Variants in AFAP1L2 observed in about 807,000 individuals in gnomAD.
AFAP1L2 encodes actin filament-associated protein 1-like 2.
AFAP1L2 carries 46 observed loss-of-function variants against 99.3 expected under a neutral mutation model. The ratio of observed to expected loss-of-function variants is 0.46; its 90% CI spans 0.37 to 0.59. AFAP1L2 has a LOEUF of 0.59. Ranked by LOEUF, AFAP1L2 falls within the 20% of genes least tolerant of loss-of-function variation. The pLI is 0.00. For missense variants in AFAP1L2, 959 were observed against 1,034.9 expected (o/e 0.93, Z 1.01); for synonymous variants, 397 against 419.1 (o/e 0.95, Z 0.64).
intron 1 of AFAP1L2, among the ~76,000 whole-genome samples, chr10:114,362,272 A>G (rs755986854): frequency 7.2e-5 from 11 of 152,178 alleles, no homozygotes; most frequent in Non-Finnish European, 1.3e-4. Context: ...CCCAAAAAAG[A>G]TATGTCTAAG....
downstream of AFAP1L2, among the ~76,000 whole-genome samples, chr10:114,293,017 T>C (rs888516442): frequency 6.6e-6 from 1 of 152,232 alleles, no homozygotes; most frequent in Non-Finnish European, 1.5e-5. Context: ...CATTTTTCTT[T>C]ATAAATATTG....
chr10:114,281,619 A>G, the AFAP1L2 span: 1 of 457,140 alleles, frequency 2.2e-6, no homozygotes, highest in South Asian at 9.2e-5. Flanking sequence ...CATTGAGTCC[A>G]GTGGCTTACA....
At chr10:114,379,076 G>T (rs1221418098) in intron 1 of AFAP1L2, among the ~76,000 whole-genome samples, 1 of 152,060 alleles carries the variant, frequency 6.6e-6, no homozygotes, top group African/African-American at 2.4e-5. Context: ...AGCCAGGTAT[G>T]GTGCTGGGTG....
chr10:114,287,098 A>T, the AFAP1L2 span, among the ~76,000 whole-genome samples: 1 of 152,204 alleles, frequency 6.6e-6, no homozygotes, highest in Non-Finnish European at 1.5e-5. Flanking sequence ...CTGATTTTTT[A>T]TGACCCCTAT....
intron 1 of AFAP1L2, chr10:114,398,892 C>T (rs1459969389): frequency 7.7e-7 from 1 of 1,304,352 alleles, no homozygotes; most frequent in Non-Finnish European, 1.0e-6. Context: ...CACCAGACAG[C>T]AACACCCCTG....
At chr10:114,312,166 G>A (rs1208020656) in intron 7 of AFAP1L2, among the ~76,000 whole-genome samples, 1 of 152,114 alleles carries the variant, frequency 6.6e-6, no homozygotes, top group Non-Finnish European at 1.5e-5. Context: ...GGAGGCTAGG[G>A]GCCAGGGAGA....
chr10:114,285,818 T>C, the AFAP1L2 span: 902,566 of 1,116,564 alleles, frequency 0.81, 369,649 homozygotes, highest in Admixed American at 0.84. Context: ...CACTTAAGCT[T>C]GGGGGGCCCA....
chr10:114,358,169 C>T (rs1422863105), intron 1 of AFAP1L2, among the ~76,000 whole-genome samples: 1 of 152,116 alleles, frequency 6.6e-6, no homozygotes, highest in Non-Finnish European at 1.5e-5. Flanking sequence ...AATTCAATGA[C>T]CTCTAAATTC....
intron 1 of AFAP1L2, among the ~76,000 whole-genome samples, chr10:114,376,275 C>G (rs999035023): frequency 3.3e-5 from 5 of 152,148 alleles, no homozygotes; most frequent in African/African-American, 1.2e-4. Context: ...TTAACTATGA[C>G]CAGACCTTGT....
chr10:114,401,690 T>C (rs1401305781), intron 1 of AFAP1L2, among the ~76,000 whole-genome samples: 4 of 152,132 alleles, frequency 2.6e-5, no homozygotes, highest in African/African-American at 9.7e-5. Flanking sequence ...TGGAAGGGAC[T>C]GGGAAGAAAG....
chr10:114,326,686 G>A (rs1325867369), intron 4 of AFAP1L2, among the ~76,000 whole-genome samples: 1 of 152,104 alleles, frequency 6.6e-6, no homozygotes, highest in Non-Finnish European at 1.5e-5. Flanking sequence ...CCAGAACCAG[G>A]CTTGAATTCT....
In AFAP1L2 at chr10:114,338,192, A is replaced by G. The variant is rs562042744; in HGVS notation, c.145+2411T>C. 1.2e-4 allele frequency among the ~76,000 whole-genome samples: 18 copies of G among 152,336 alleles called. No homozygotes were observed. The South Asian group carries it at 2.5e-3, about 21-fold the overall frequency. On this transcript the variant is annotated intron_variant, in intron 2 of 18. Coordinates refer to ENST00000304129, the MANE Select transcript of AFAP1L2 (RefSeq NM_001001936.3). ...AACAGGGAAGGGGAAAGTCCTTGAAATGTAGCCTGGCAGATTCAGGTTGGA... is the reference window on the plus strand; with the variant it reads ...AACAGGGAAGGGGAAAGTCCTTGAAGTGTAGCCTGGCAGATTCAGGTTGGA...
chr10:114,302,047 G>T, intron 12 of AFAP1L2: 1 of 388,172 alleles, frequency 2.6e-6, no homozygotes. Flanking sequence ...ACAAGTAGGA[G>T]GTCAGGAAAG....
At chr10:114,394,681 G>A (rs912484308) in intron 1 of AFAP1L2, among the ~76,000 whole-genome samples, 2 of 152,148 alleles carry the variant, frequency 1.3e-5, no homozygotes, top group Non-Finnish European at 2.9e-5. Flanking sequence ...AGGAGCCAGC[G>A]TGAGCCTGTG....
chr10:114,365,002 G>T (rs1564992820), intron 1 of AFAP1L2, among the ~76,000 whole-genome samples: 3 of 152,216 alleles, frequency 2.0e-5, no homozygotes, highest in Non-Finnish European at 4.4e-5. Context: ...AGGATGAAGA[G>T]CCAGAGTCCG....
chr10:114,315,212 G>A (rs2043924163), intron 6 of AFAP1L2, among the ~76,000 whole-genome samples: 1 of 151,856 alleles, frequency 6.6e-6, no homozygotes, highest in Non-Finnish European at 1.5e-5. Flanking sequence ...TGGGCTGGAG[G>A]AGCCTGACTG....
intron 16 of AFAP1L2, among the ~76,000 whole-genome samples, chr10:114,298,307 G>T (rs1336078536): frequency 1.3e-5 from 2 of 152,112 alleles, no homozygotes; most frequent in Non-Finnish European, 2.9e-5. Flanking sequence ...GAACCCAGGA[G>T]GCAGAGGTTG....
At chr10:114,283,687 G>T in the AFAP1L2 span, among the ~76,000 whole-genome samples, 1 of 152,180 alleles carries the variant, frequency 6.6e-6, no homozygotes, top group African/African-American at 2.4e-5. Flanking sequence ...CCTACCTAAG[G>T]TTGTGACAAT....
chr10:114,341,528 G>A (rs2420057), intron 1 of AFAP1L2, among the ~76,000 whole-genome samples: 397 of 151,484 alleles, frequency 2.6e-3, no homozygotes, highest in African/African-American at 9.2e-3. Context: ...CAGGAGAATC[G>A]CTTGAACCCG....
Sources: allele counts gnomAD v4.1 joint callset (sites outside exome capture counted in the v4.1 genomes callset), GRCh38; gene constraint gnomAD v4.1.1; transcripts MANE v1.5; gene names NCBI Gene and HGNC (gene_info 2026-07-23, HGNC 2026-07-21).